The following SLC17A4 variants were observed in gnomAD, a reference collection of about 807,000 sequenced individuals.
SLC17A4 encodes solute carrier family 17 member 4.
Under a neutral mutation model 52.5 loss-of-function variants are expected in SLC17A4, and 33 were observed. That is an observed-to-expected ratio of 0.63 (90% confidence interval 0.48 to 0.84). The LOEUF (loss-of-function observed/expected upper bound fraction) is 0.84. Among genes scored for constraint, SLC17A4 ranks in the 40% least tolerant of loss-of-function variants. The probability of loss-of-function intolerance (pLI) is 0.00; values close to 1 mark genes in which losing one functional copy is unlikely to be tolerated. For missense variants in SLC17A4, 585 were observed against 597.1 expected (o/e 0.98, Z 0.21); for synonymous variants, 225 against 216.2 (o/e 1.04, Z -0.36).
chr6:25,762,098 T>G (rs577175407), intron 2 of SLC17A4, 45 bp downstream of exon 2: 5 of 1,532,186 alleles, frequency 3.3e-6, no homozygotes, highest in East Asian at 2.3e-5. Context: ...AACTAGGATC[T>G]GTGGCACTGT....
chr6:25,756,808 G>T (rs1761059328), intron 1 of SLC17A4, among the ~76,000 whole-genome samples: 2 of 152,300 alleles, frequency 1.3e-5, no homozygotes, highest in South Asian at 4.2e-4. Context: ...ATCAATGAAT[G>T]AACTTGCGGC....
In SLC17A4 at chr6:25,781,130, C is replaced by T. The variant is rs1763256792; in HGVS notation, c.*1942C>T. On this transcript the variant is annotated 3_prime_UTR_variant, in exon 12 of 12. Transcript: ENST00000377905. The stretch of plus-strand genomic sequence containing the variant: ...AAGAAAAGGAAGCTTGGGAATAAGC[C>T]TTAAAGAATTCCAGTATTTAATGGT... 1 of 148,316 alleles carries T rather than the reference C, an allele frequency of 6.7e-6. No homozygotes were observed. Among genetic ancestry groups the T allele is most frequent in the South Asian group, 2.1e-4 (1 of 4,720 alleles). 9.2% of individuals were successfully genotyped at this position (148,316 alleles called of 1,614,324 possible). A position where few individuals can be genotyped will look rare whatever the true frequency, so the allele number is the denominator to read the frequency against.
At chr6:25,760,116 T>C (rs4712968) in intron 1 of SLC17A4, among the ~76,000 whole-genome samples, 45,378 of 152,048 alleles carry the variant, frequency 0.3, 7,745 homozygotes, top group East Asian at 0.74. Flanking sequence ...TGATCATAGT[T>C]TTTTAAAATG....
chr6:25,768,897 C>A, intron 2 of SLC17A4, 88 bp from the exon 3 acceptor site: 1 of 1,213,782 alleles, frequency 8.2e-7, no homozygotes, highest in Non-Finnish European at 1.2e-6. Context: ...GCATCTCAGA[C>A]AGATACCAAT....
At chr6:25,778,640 G>T (rs1264854991) in intron 11 of SLC17A4, among the ~76,000 whole-genome samples, 1 of 152,124 alleles carries the variant, frequency 6.6e-6, no homozygotes, top group Non-Finnish European at 1.5e-5. Flanking sequence ...GAAACAGAAA[G>T]AAATCTATGG....
rs1654372948 is a variant in SLC17A4 at position 25,769,094 on chromosome 6, C to T, written c.201C>T (p.Asn67=). The T allele has an allele frequency of 1.2e-6, 2 of 1,614,054 alleles. No homozygotes were observed. The highest frequency in any genetic ancestry group is 1.7e-6 in the Non-Finnish European group (2 of 1,179,956). ...LSIAIPAMVN[N]TAPPSQPNAS... is the part of the protein sequence containing the mutation. ...TTGCCATCCCAGCTATGGTGAACAACACAGCCCCACCTAGCCAGCCCAATG... is the reference window on the plus strand; with the variant it reads ...TTGCCATCCCAGCTATGGTGAACAATACAGCCCCACCTAGCCAGCCCAATG... Residue 67 remains asparagine, a synonymous_variant, in exon 3 of 12, where the codon AAC becomes AAT. Transcript: ENST00000377905.
Position 25,778,012 on chromosome 6 carries a change from G to T in SLC17A4, c.1355G>T (p.Ser452Ile), listed in dbSNP as rs141773129. The T allele has an allele frequency of 5.9e-5, 94 of 1,596,182 alleles. No homozygotes were observed. The African/African-American group carries it at 9.2e-4, about 16-fold the overall frequency. The change falls in exon 11 of 12, where the codon AGT (serine) becomes ATT (isoleucine). Residue 452 changes from serine to isoleucine, a missense_variant. Transcript: ENST00000377905. ...CCTACTGCTGCTGGATTTTTCATCA[G>T]TCAGGTGAGGTCAAATGTTCTGATG... Reference protein sequence around the residue: ...ISPTAAGFFISQDSEFGWRNV... With the variant: ...ISPTAAGFFIIQDSEFGWRNV...
At chr6:25,778,090 C>T in intron 11 of SLC17A4, 74 bp downstream of exon 11, 3 of 1,088,382 alleles carry the variant, frequency 2.8e-6, no homozygotes, top group South Asian at 1.4e-5. Context: ...TATGCACGGC[C>T]TTGTATCCTA....
In SLC17A4 at chr6:25,777,977, A is replaced by G. The variant is rs1763076175; in HGVS notation, c.1320A>G (p.Gly440=). ...GLLQVFAHIA[G]AISPTAAGFF... The stretch of plus-strand genomic sequence containing the variant: ...TGCAAGTCTTTGCACACATAGCTGG[A>G]GCCATCTCTCCTACTGCTGCTGGAT... Residue 440 remains glycine, a synonymous_variant, in exon 11 of 12, where the codon GGA becomes GGG. Transcript: ENST00000377905. 1 of 1,613,056 alleles carries G rather than the reference A, an allele frequency of 6.2e-7. No homozygotes were observed.
chr6:25,759,003 T>A (rs1761286376), intron 1 of SLC17A4, among the ~76,000 whole-genome samples: 1 of 152,210 alleles, frequency 6.6e-6, no homozygotes, highest in Admixed American at 6.5e-5. Flanking sequence ...ATGTCACGGT[T>A]GTCGTTCAGT....
In SLC17A4 at chr6:25,776,638, G is replaced by A. The variant is rs560726056; in HGVS notation, c.1031G>A (p.Cys344Tyr). ...SALPFVVGCI[C>Y]IILGGLLADF... ...TTGCCGTTTGTTGTTGGATGTATCT[G>A]CATTATCCTTGGAGGTCTACTGGCA... Residue 344 changes from cysteine to tyrosine, a missense_variant, in exon 9 of 12, where the codon TGC (cysteine) becomes TAC (tyrosine). Physicochemically the swap from Cys to Tyr is radical, Grantham distance 194. Transcript: ENST00000377905. 6.2e-7 allele frequency: 1 copy of A among 1,613,536 alleles called. No homozygotes were observed.
intron 1 of SLC17A4, among the ~76,000 whole-genome samples, chr6:25,758,305 A>G (rs1389317314): frequency 6.6e-6 from 1 of 152,240 alleles, no homozygotes; most frequent in Non-Finnish European, 1.5e-5. Flanking sequence ...CTGACAGAGA[A>G]TACCAGCAAC....
chr6:25,762,108 T>C, intron 2 of SLC17A4, 55 bp downstream of exon 2: 1 of 1,465,758 alleles, frequency 6.8e-7, no homozygotes, highest in Non-Finnish European at 9.4e-7. Context: ...TGTGGCACTG[T>C]AACTTGTGGT....
chr6:25,765,945 A>G (rs1761972922), intron 2 of SLC17A4, among the ~76,000 whole-genome samples: 1 of 152,014 alleles, frequency 6.6e-6, no homozygotes, highest in South Asian at 2.1e-4. Flanking sequence ...ACTCAGATTA[A>G]TCAGGCAGAG....
At position 25,770,548 on chromosome 6, in the gene SLC17A4, T is replaced by A. The variant is rs764001646; in HGVS notation, c.619+77T>A. The A allele has an allele frequency of 2.4e-6, 3 of 1,271,282 alleles. No individual in the cohort carries two copies. In the Admixed American group the frequency reaches 5.1e-5, roughly 21 times the overall value. The allele number at this position is 1,271,282 out of a possible 1,614,324, so 78.8% of individuals were successfully genotyped here. On this transcript the variant is annotated intron_variant, in intron 5 of 11. Coordinates refer to ENST00000377905, the MANE Select transcript of SLC17A4 (RefSeq NM_005495.3). The stretch of plus-strand genomic sequence containing the variant: ...CAAAGTCCTGCCAACAGAACCAAGA[T>A]CTTATATATCAATCTCTGTGTCTTC...
At chr6:25,764,651 GC>G (rs1474811231) in intron 2 of SLC17A4, among the ~76,000 whole-genome samples, 1 of 152,208 alleles carries the variant, frequency 6.6e-6, no homozygotes, top group Non-Finnish European at 1.5e-5. Flanking sequence ...TGGAGCTTCA[GC>G]TTGTGCTCCT....
chr6:25,777,127 G>T (rs1007490719), intron 10 of SLC17A4, 168 bp downstream of exon 10: 4 of 762,710 alleles, frequency 5.2e-6, no homozygotes, highest in Non-Finnish European at 8.0e-6. Context: ...ACTCAAAGCT[G>T]GTGGACCATT....
chr6:25,755,048 TAC>T (rs35878702), intron 1 of SLC17A4, among the ~76,000 whole-genome samples: 11,630 of 144,846 alleles, frequency 0.08, 626 homozygotes, highest in African/African-American at 0.16. Context: ...CACACACACA[TAC>T]ACACACACAC....
chr6:25,773,248 A>G (rs1224740586), intron 6 of SLC17A4, 27 bp from the exon 7 acceptor site: 1 of 1,555,384 alleles, frequency 6.4e-7, no homozygotes, highest in Non-Finnish European at 8.9e-7. Context: ...CAATCCATCC[A>G]GTGCTAACTG....
Sources: allele counts gnomAD v4.1 joint callset (sites outside exome capture counted in the v4.1 genomes callset), GRCh38; gene constraint gnomAD v4.1.1; transcripts MANE v1.5; gene names NCBI Gene and HGNC (gene_info 2026-07-23, HGNC 2026-07-21).